LYN: variants seen among roughly 807,000 people sequenced by gnomAD.
LYN encodes tyrosine-protein kinase Lyn.
A neutral mutation model predicts 65.0 loss-of-function variants in LYN; 12 were observed. The ratio of observed to expected loss-of-function variants is 0.18; its 90% CI spans 0.12 to 0.30. LYN has a LOEUF of 0.30. Ranked by LOEUF, LYN falls within the 10% of genes least tolerant of loss-of-function variation. LYN has a pLI of 1.00. For missense variants in LYN, 380 were observed against 623.2 expected (o/e 0.61, Z 4.16); for synonymous variants, 222 against 221.2 (o/e 1.00, Z -0.03).
chr8:55,926,583 G>A (rs2130443371), intron 1 of LYN, among the ~76,000 whole-genome samples: 1 of 152,330 alleles, frequency 6.6e-6, no homozygotes, highest in African/African-American at 2.4e-5. Context: ...ATTAAGCCAA[G>A]AAGATCTAAT....
chr8:55,928,221 C>G (rs1335350709), intron 1 of LYN, among the ~76,000 whole-genome samples: 1 of 152,240 alleles, frequency 6.6e-6, no homozygotes, highest in Non-Finnish European at 1.5e-5. Flanking sequence ...TCTCAGCTCA[C>G]TGCAACCTCC....
intron 1 of LYN, among the ~76,000 whole-genome samples, chr8:55,898,728 G>T (rs1445767288): frequency 6.6e-6 from 1 of 152,172 alleles, no homozygotes; most frequent in Non-Finnish European, 1.5e-5. Flanking sequence ...TACACAAAAA[G>T]AAATTCTGTA....
At chr8:55,880,958 T>C (rs954720932) in intron 1 of LYN, among the ~76,000 whole-genome samples, 1 of 152,202 alleles carries the variant, frequency 6.6e-6, no homozygotes, top group African/African-American at 2.4e-5. Context: ...GTGTGTTAAT[T>C]ATCCCAAATT....
At chr8:55,897,392 G>C (rs1422364982) in intron 1 of LYN, among the ~76,000 whole-genome samples, 1 of 152,178 alleles carries the variant, frequency 6.6e-6, no homozygotes, top group Non-Finnish European at 1.5e-5. Context: ...TCAGGAGGGA[G>C]CATTCTGACG....
intron 1 of LYN, among the ~76,000 whole-genome samples, chr8:55,898,408 C>G (rs1444327334): frequency 6.6e-6 from 1 of 152,142 alleles, no homozygotes; most frequent in Non-Finnish European, 1.5e-5. Flanking sequence ...CCCATCTCAG[C>G]CTCCCAAGTA....
intron 1 of LYN, among the ~76,000 whole-genome samples, chr8:55,897,931 C>A (rs1481561085): frequency 3.9e-5 from 6 of 151,912 alleles, no homozygotes; most frequent in Admixed American, 3.3e-4. Context: ...ACAACAACAA[C>A]AAAAACTTTT....
chr8:55,970,711 T>C (rs929403038), intron 10 of LYN, among the ~76,000 whole-genome samples: 1 of 151,954 alleles, frequency 6.6e-6, no homozygotes, highest in Admixed American at 6.6e-5. Context: ...GTGAAGCACC[T>C]CACCTAAGGT....
chr8:55,888,680 C>T (rs1804868512), intron 1 of LYN, among the ~76,000 whole-genome samples: 1 of 152,136 alleles, frequency 6.6e-6, no homozygotes. Context: ...TACTTGACAC[C>T]TCCCCTAAGT....
intron 1 of LYN, among the ~76,000 whole-genome samples, chr8:55,908,777 C>T (rs1379213520): frequency 6.6e-6 from 1 of 151,720 alleles, no homozygotes; most frequent in African/African-American, 2.4e-5. Context: ...CATTGCCTGT[C>T]ATTCCACATT....
chr8:55,946,521 A>AT (rs750257239), intron 3 of LYN, 28 bp downstream of exon 3: 27 of 1,519,810 alleles, frequency 1.8e-5, no homozygotes, highest in Middle Eastern at 2.0e-4. Context: ...CATAGTTAAA[A>AT]TTTTTTTTCT....
At chr8:55,945,221 C>T (rs1179811946) in intron 2 of LYN, among the ~76,000 whole-genome samples, 7 of 152,150 alleles carry the variant, frequency 4.6e-5, no homozygotes, top group African/African-American at 1.7e-4. Context: ...TTATAAAAAG[C>T]ATATTAAAAT....
chr8:55,922,659 G>A (rs1585601603), intron 1 of LYN, among the ~76,000 whole-genome samples: 1 of 152,024 alleles, frequency 6.6e-6, no homozygotes, highest in Non-Finnish European at 1.5e-5. Flanking sequence ...CCCAGCTATT[G>A]GGGGAGCTGA....
chr8:55,893,526 A>G (rs1411931896), intron 1 of LYN: 2 of 152,214 alleles, frequency 1.3e-5, no homozygotes. Context: ...CTTCTGTTTC[A>G]TGTAGTTTTG....
intron 1 of LYN, among the ~76,000 whole-genome samples, chr8:55,905,002 G>C (rs977131436): frequency 6.6e-6 from 1 of 152,166 alleles, no homozygotes; most frequent in Non-Finnish European, 1.5e-5. Flanking sequence ...GGGAATGGTG[G>C]GGGCCTAAGC....
intron 1 of LYN, among the ~76,000 whole-genome samples, chr8:55,902,374 T>C (rs72651463): frequency 0.19 from 27,669 of 147,322 alleles, 2,777 homozygotes; most frequent in Middle Eastern, 0.34. Context: ...GTAGCCCAGA[T>C]TGGAGTGCAG....
At chr8:55,983,069 T>A (rs1486493850) in intron 10 of LYN, among the ~76,000 whole-genome samples, 4 of 152,136 alleles carry the variant, frequency 2.6e-5, no homozygotes, top group Non-Finnish European at 5.9e-5. Flanking sequence ...TTTGCCCTCA[T>A]GTCCACACAA....
chr8:55,923,553 T>G (rs1255442545), intron 1 of LYN, among the ~76,000 whole-genome samples: 3 of 152,200 alleles, frequency 2.0e-5, no homozygotes, highest in African/African-American at 7.2e-5. Context: ...ACAACTTTTT[T>G]TTTTGAGACA....
intron 10 of LYN, among the ~76,000 whole-genome samples, chr8:55,976,847 A>G (rs949952644): frequency 1.3e-5 from 2 of 152,098 alleles, no homozygotes; most frequent in African/African-American, 2.4e-5. Flanking sequence ...AAGTGGGGGT[A>G]TATGGAGAGA....
chr8:55,891,716 A>G (rs1804968373), intron 1 of LYN, among the ~76,000 whole-genome samples: 1 of 152,196 alleles, frequency 6.6e-6, no homozygotes, highest in Non-Finnish European at 1.5e-5. Context: ...TTTTACCACA[A>G]CTTTAAAGAA....
Sources: allele counts gnomAD v4.1 joint callset (sites outside exome capture counted in the v4.1 genomes callset), GRCh38; gene constraint gnomAD v4.1.1; transcripts MANE v1.5; gene names NCBI Gene and HGNC (gene_info 2026-07-23, HGNC 2026-07-21).